Variants in TMEM132E observed in about 807,000 individuals in gnomAD.
TMEM132E encodes the protein transmembrane protein 132E.
Under a neutral mutation model 78.5 loss-of-function variants are expected in TMEM132E, and 49 were observed. The observed-to-expected ratio is 0.62, with a 90% confidence interval of 0.50 to 0.79. The LOEUF is 0.79. TMEM132E is among the 30% of genes least tolerant of loss of function. The probability of loss-of-function intolerance (pLI) is 0.00; values close to 1 mark genes in which losing one functional copy is unlikely to be tolerated. For missense variants in TMEM132E, 1,403 were observed against 1,470.9 expected (o/e 0.95, Z 0.75); for synonymous variants, 715 against 670.6 (o/e 1.07, Z -1.02).
chr17:34,630,204 G>C (rs748148338), intron 5 of TMEM132E, 53 bp downstream of exon 5: 1 of 1,572,780 alleles, frequency 6.4e-7, no homozygotes. Context: ...GCCTTCAGGA[G>C]AGTAGAACCT....
Position 34,629,987 on chromosome 17 carries a change from C to T in TMEM132E, c.1339-21C>T, listed in dbSNP as rs201977699. The T allele has an allele frequency of 2.0e-5, 32 of 1,587,422 alleles. No homozygotes were observed. The East Asian group carries it at 6.8e-4, about 34-fold the overall frequency. The stretch of plus-strand genomic sequence containing the variant: ...ACAGAAGGGGACCACAAGTAGAGCC[C>T]CCCCCTTCTCCTCCCTGCAGGACAC... On this transcript the variant is annotated intron_variant, in intron 4 of 8. Transcript: ENST00000631683.
chr17:34,612,806 A>G (rs1200403604), intron 1 of TMEM132E, among the ~76,000 whole-genome samples: 2 of 150,792 alleles, frequency 1.3e-5, no homozygotes, highest in Non-Finnish European at 3.0e-5. Context: ...GTGGGGCCTA[A>G]CCTCAGCTGT....
intron 1 of TMEM132E, among the ~76,000 whole-genome samples, chr17:34,623,003 A>G (rs1190971170): frequency 6.6e-6 from 1 of 152,134 alleles, no homozygotes; most frequent in Non-Finnish European, 1.5e-5. Flanking sequence ...GAGAGAGAAA[A>G]GAGAGGGGGA....
intron 1 of TMEM132E, among the ~76,000 whole-genome samples, chr17:34,594,828 C>G (rs530030971): frequency 6.6e-6 from 1 of 152,328 alleles, no homozygotes; most frequent in East Asian, 1.9e-4. Flanking sequence ...TCTTGAGCTT[C>G]TGGCTTCAAG....
chr17:34,624,908 G>C (rs1907071823), intron 1 of TMEM132E, among the ~76,000 whole-genome samples: 5 of 152,208 alleles, frequency 3.3e-5, no homozygotes, highest in Admixed American at 3.3e-4. Context: ...CAGCATTACT[G>C]TTATCATTGT....
At chr17:34,609,703 T>C (rs180937540) in intron 1 of TMEM132E, among the ~76,000 whole-genome samples, 51 of 152,278 alleles carry the variant, frequency 3.3e-4, no homozygotes, top group Non-Finnish European at 1.5e-5. Flanking sequence ...TGGGCAAACT[T>C]TTACAAGTAT....
At chr17:34,612,316 A>G (rs1356457103) in intron 1 of TMEM132E, among the ~76,000 whole-genome samples, 1 of 152,178 alleles carries the variant, frequency 6.6e-6, no homozygotes, top group Non-Finnish European at 1.5e-5. Flanking sequence ...TTCGGGGCTG[A>G]GGAAAGCAGG....
rs546215011 is a variant in TMEM132E at position 34,613,130 on chromosome 17, G to T, written c.68-12997G>T. ...AGCTCCAAAACCTTCTCCACCCACTGCAGGCCTATGGTGGCACTCACACTC... is the reference window on the plus strand; with the variant it reads ...AGCTCCAAAACCTTCTCCACCCACTTCAGGCCTATGGTGGCACTCACACTC... On this transcript the variant is annotated intron_variant, in intron 1 of 8. Transcript: ENST00000631683. 6.8e-5 allele frequency among the ~76,000 whole-genome samples: 10 copies of T among 146,014 alleles called. No homozygotes were observed. In the South Asian group the frequency reaches 2.2e-3, roughly 33 times the overall value.
At chr17:34,601,083 A>G (rs1597679880) in intron 1 of TMEM132E, among the ~76,000 whole-genome samples, 1 of 152,206 alleles carries the variant, frequency 6.6e-6, no homozygotes, top group Admixed American at 6.5e-5. Flanking sequence ...AACAGCCAAC[A>G]AGAATCCCAG....
chr17:34,619,440 T>A lies in TMEM132E; in HGVS notation c.68-6687T>A, dbSNP rs116190328. Among the ~76,000 whole-genome samples, 741 of 146,844 alleles carry A rather than the reference T, an allele frequency of 5.0e-3. 5 individuals carry two copies. The highest frequency in any genetic ancestry group is 0.018 in the African/African-American group (704 of 39,328). ...AGATACCAGGCCTGTCCCCTGGAAA[T>A]TCTCACTGTATAGGCACTAATCATG... On this transcript the variant is annotated intron_variant, in intron 1 of 8. Transcript: ENST00000631683.
At chr17:34,598,959 A>T (rs1906142547) in intron 1 of TMEM132E, among the ~76,000 whole-genome samples, 1 of 152,224 alleles carries the variant, frequency 6.6e-6, no homozygotes, top group Non-Finnish European at 1.5e-5. Flanking sequence ...TCAGATATTC[A>T]TTCAGCTAAC....
intron 1 of TMEM132E, among the ~76,000 whole-genome samples, chr17:34,597,435 C>A (rs1377204457): frequency 9.9e-5 from 15 of 152,170 alleles, no homozygotes; most frequent in Admixed American, 9.8e-4. Flanking sequence ...ATCTTAGGAT[C>A]TTTTTCATTG....
chr17:34,583,381 C>T (rs981890327), intron 1 of TMEM132E, among the ~76,000 whole-genome samples: 7 of 152,344 alleles, frequency 4.6e-5, no homozygotes, highest in South Asian at 4.1e-4. Flanking sequence ...GAGAAGGGTG[C>T]CAGCAGATAC....
At chr17:34,617,590 T>A (rs1345232874) in intron 1 of TMEM132E, among the ~76,000 whole-genome samples, 1 of 152,244 alleles carries the variant, frequency 6.6e-6, no homozygotes, top group Non-Finnish European at 1.5e-5. Context: ...TTTGCTTATT[T>A]AATCACAACT....
intron 1 of TMEM132E, among the ~76,000 whole-genome samples, chr17:34,601,956 A>G (rs1189139336): frequency 6.6e-6 from 1 of 152,182 alleles, no homozygotes; most frequent in Non-Finnish European, 1.5e-5. Context: ...TTAGTGGGAG[A>G]GGGGGGACCC....
intron 1 of TMEM132E, among the ~76,000 whole-genome samples, chr17:34,621,273 G>C (rs1906952595): frequency 6.6e-6 from 1 of 152,188 alleles, no homozygotes. Flanking sequence ...CTGAGGTCAA[G>C]GTGTCAGCAG....
chr17:34,637,711 A>G lies in TMEM132E; in HGVS notation c.2704A>G (p.Ile902Val), dbSNP rs776079835. The G allele has an allele frequency of 1.9e-6, 3 of 1,613,062 alleles. No individual in the cohort carries two copies. The East Asian group carries it at 6.7e-5, about 36-fold the overall frequency. The stretch of plus-strand genomic sequence containing the variant: ...GCTGCTGGGCGTCTTCTGCCTCGCC[A>G]TCCTCGTCTTCCTCATCAACTGCAT... ...YALLGVFCLA[I>V]LVFLINCIVF... is the part of the protein sequence containing the mutation. The change falls in exon 9 of 9, where the codon ATC becomes GTC. Residue 902 changes from isoleucine (I) to valine (V), a missense_variant. Physicochemically the swap from Ile to Val is conservative, Grantham distance 29. Coordinates refer to ENST00000631683, the MANE Select transcript of TMEM132E (RefSeq NM_001304438.2).
intron 1 of TMEM132E, among the ~76,000 whole-genome samples, chr17:34,582,588 G>T (rs186251955): frequency 1.0e-3 from 158 of 152,162 alleles, no homozygotes; most frequent in African/African-American, 3.7e-3. Flanking sequence ...AGGCAGAGCA[G>T]CGAGCCAGCA....
chr17:34,616,924 C>T (rs545938140), intron 1 of TMEM132E, among the ~76,000 whole-genome samples: 6 of 152,212 alleles, frequency 3.9e-5, no homozygotes, highest in African/African-American at 7.2e-5. Flanking sequence ...CACTAGGCAC[C>T]GGGCTTGGCG....
Sources: allele counts gnomAD v4.1 joint callset (sites outside exome capture counted in the v4.1 genomes callset), GRCh38; gene constraint gnomAD v4.1.1; transcripts MANE v1.5; gene names NCBI Gene and HGNC (gene_info 2026-07-23, HGNC 2026-07-21).